Variants in IMMP2L observed in about 807,000 individuals in gnomAD.
IMMP2L encodes the protein mitochondrial inner membrane protease subunit 2.
Under a neutral mutation model 19.3 loss-of-function variants are expected in IMMP2L, and 18 were observed. The ratio of observed to expected loss-of-function variants is 0.93; its 90% CI spans 0.64 to 1.38. The LOEUF is 1.38. IMMP2L is among the 40% of genes most tolerant of loss of function. The probability of loss-of-function intolerance (pLI) is 0.00; values close to 1 mark genes in which losing one functional copy is unlikely to be tolerated. For missense variants in IMMP2L, 233 were observed against 218.2 expected, an observed-to-expected ratio of 1.07 and a Z score of -0.43; for synonymous variants, 76 against 73.0, an observed-to-expected ratio of 1.04 and a Z score of -0.21.
chr7:111,550,230 C>T (rs143657645), intron 1 of IMMP2L, among the ~76,000 whole-genome samples: 4 of 152,190 alleles, frequency 2.6e-5, no homozygotes, highest in African/African-American at 9.6e-5. Context: ...ATGATTCTAA[C>T]TCTATGACAT....
chr7:110,825,355 C>A (rs1191192240), intron 5 of IMMP2L, among the ~76,000 whole-genome samples: 2 of 152,032 alleles, frequency 1.3e-5, no homozygotes, highest in African/African-American at 2.4e-5. Flanking sequence ...TCATATGGAA[C>A]CAAAAAAGAG....
At chr7:111,294,208 A>G (rs958283225) in intron 3 of IMMP2L, among the ~76,000 whole-genome samples, 7 of 151,930 alleles carry the variant, frequency 4.6e-5, no homozygotes, top group African/African-American at 1.7e-4. Flanking sequence ...CAAAATCAGA[A>G]CAAGAGCCCA....
Position 110,757,931 on chromosome 7 carries a change from A to C in IMMP2L, c.409-94210T>G, listed in dbSNP as rs191445066. On this transcript the variant is annotated intron_variant, in intron 5 of 5. Coordinates refer to ENST00000405709, the MANE Select transcript of IMMP2L (RefSeq NM_032549.4). The surrounding 1 kb of genome is among the most constrained non-coding windows in gnomAD (Gnocchi z 4.2). Reference sequence around the variant, plus strand: ...AGCCGAGGGGAAGGTGGTAGAAGGAAGTGGGATTGGGAATTCTTGGGTAGA... The same window carrying C: ...AGCCGAGGGGAAGGTGGTAGAAGGACGTGGGATTGGGAATTCTTGGGTAGA... 2.0e-5 allele frequency among the ~76,000 whole-genome samples: 3 copies of C among 152,218 alleles called. No homozygotes were observed. In the East Asian group the frequency reaches 5.8e-4, roughly 29 times the overall value.
intron 3 of IMMP2L, among the ~76,000 whole-genome samples, chr7:111,309,113 A>G (rs557642412): frequency 5.3e-5 from 8 of 152,172 alleles, no homozygotes; most frequent in Non-Finnish European, 1.0e-4. Flanking sequence ...TGAAATTGTC[A>G]TAATTTGGGA....
rs545173362 is a variant in IMMP2L, at chr7:111,224,101, C to T, written c.240-260536G>A. Among the ~76,000 whole-genome samples, 3 of 152,144 alleles carry T rather than the reference C, an allele frequency of 2.0e-5. No individual in the cohort carries two copies. The East Asian group carries it at 5.8e-4, about 30-fold the overall frequency. On this transcript the variant is annotated intron_variant, in intron 3 of 5. Coordinates refer to ENST00000405709, the MANE Select transcript of IMMP2L (RefSeq NM_032549.4). ...CTTAGACCTTAGGCAACCCACTTCC[C>T]CCTCTCTCAACCTGGGTTTACTCGT...
chr7:110,882,331 T>TCCTTCCTTCCTTCCTTC (rs1554445736), intron 5 of IMMP2L, among the ~76,000 whole-genome samples: 4 of 143,942 alleles, frequency 2.8e-5, no homozygotes, highest in Non-Finnish European at 4.6e-5. Context: ...CTTCCTTCCT[T>TCCTTCCTTCCTTCCTTC]CCTTCCTTCC....
chr7:110,706,761 A>C (rs1411998003), intron 5 of IMMP2L, among the ~76,000 whole-genome samples: 1 of 152,010 alleles, frequency 6.6e-6, no homozygotes, highest in African/African-American at 2.4e-5. Context: ...TGTCAGGTGC[A>C]TAGGTTGTGA....
At chr7:110,909,851 T>C in intron 4 of IMMP2L, among the ~76,000 whole-genome samples, 1 of 151,850 alleles carries the variant, frequency 6.6e-6, no homozygotes, top group East Asian at 1.9e-4. Context: ...AAGGGATTCT[T>C]ACTTCTGTGA....
At chr7:111,075,161 C>G (rs1427864248) in intron 3 of IMMP2L, among the ~76,000 whole-genome samples, 1 of 135,256 alleles carries the variant, frequency 7.4e-6, no homozygotes, top group African/African-American at 3.1e-5. Flanking sequence ...GAATCTCTCT[C>G]TGTCACCCAG....
At chr7:110,966,338 T>C (rs1819542442) in intron 3 of IMMP2L, among the ~76,000 whole-genome samples, 2 of 152,032 alleles carry the variant, frequency 1.3e-5, no homozygotes, top group South Asian at 2.1e-4. Context: ...TGGGATATCC[T>C]TTAGCGGATG....
At chr7:111,411,526 A>T in intron 3 of IMMP2L, 2 of 426,466 alleles carry the variant, frequency 4.7e-6, no homozygotes, top group Non-Finnish European at 4.7e-6. Flanking sequence ...TCATTAGAAT[A>T]AAGTCCAGAG....
chr7:111,498,532 A>G (rs1342398335), intron 2 of IMMP2L, among the ~76,000 whole-genome samples: 1 of 152,106 alleles, frequency 6.6e-6, no homozygotes, highest in Non-Finnish European at 1.5e-5. Context: ...CTAATTAAAA[A>G]AAAAAAGGTC....
intron 5 of IMMP2L, among the ~76,000 whole-genome samples, chr7:110,705,924 A>G (rs974233201): frequency 2.0e-5 from 3 of 152,072 alleles, no homozygotes; most frequent in Admixed American, 1.3e-4. Flanking sequence ...GTAGTATTCC[A>G]TGGTGTATAT....
intron 2 of IMMP2L, among the ~76,000 whole-genome samples, chr7:111,508,877 G>T (rs1445354902): frequency 6.6e-6 from 1 of 152,114 alleles, no homozygotes; most frequent in East Asian, 1.9e-4. Context: ...GGCTTGGAAG[G>T]GGGGTTTCAC....
At chr7:111,069,948 G>A (rs138870571) in intron 3 of IMMP2L, among the ~76,000 whole-genome samples, 7 of 152,154 alleles carry the variant, frequency 4.6e-5, no homozygotes, top group African/African-American at 1.2e-4. Flanking sequence ...CTTGGGTACC[G>A]GCATCCCTAA....
chr7:111,052,818 T>C (rs1290790523), intron 3 of IMMP2L, among the ~76,000 whole-genome samples: 1 of 152,176 alleles, frequency 6.6e-6, no homozygotes, highest in African/African-American at 2.4e-5. Context: ...ACAGAGACTT[T>C]ATAGTGTGGT....
intron 3 of IMMP2L, among the ~76,000 whole-genome samples, chr7:111,461,988 G>A (rs369445517): frequency 1.3e-4 from 19 of 151,742 alleles, no homozygotes; most frequent in East Asian, 9.7e-4. Flanking sequence ...ACACACACAC[G>A]TGCACAAACA....
chr7:111,243,583 G>GTA (rs1214130366), intron 3 of IMMP2L, among the ~76,000 whole-genome samples: 1 of 132,328 alleles, frequency 7.6e-6, no homozygotes, highest in Non-Finnish European at 1.6e-5. Context: ...AGTTACATAT[G>GTA]TATACATGTG....
chr7:111,464,341 T>C (rs539443835), intron 3 of IMMP2L, among the ~76,000 whole-genome samples: 1 of 152,232 alleles, frequency 6.6e-6, no homozygotes, highest in Non-Finnish European at 1.5e-5. Flanking sequence ...ACATTAGCCA[T>C]GCATGGTAGT....
Sources: allele counts gnomAD v4.1 joint callset (sites outside exome capture counted in the v4.1 genomes callset), GRCh38; gene constraint gnomAD v4.1.1; non-coding constraint Gnocchi (gnomAD v3.1); transcripts MANE v1.5; gene names NCBI Gene and HGNC (gene_info 2026-07-23, HGNC 2026-07-21).